C5orf46: variants seen among roughly 807,000 people sequenced by gnomAD.
C5orf46 encodes the protein uncharacterized protein C5orf46.
C5orf46 carries 9 observed loss-of-function variants against 8.9 expected under a neutral mutation model. That is an observed-to-expected ratio of 1.01 (90% CI 0.61 to 1.76). C5orf46 has a LOEUF of 1.76. Among genes scored for constraint, C5orf46 ranks in the 40% most tolerant of loss-of-function variants. C5orf46 has a pLI of 0.00. For synonymous variants in C5orf46, 47 were observed against 41.4 expected, an observed-to-expected ratio of 1.14 and a Z score of -0.52; for missense variants, 98 against 107.8, an observed-to-expected ratio of 0.91 and a Z score of 0.40.
rs775980762 is a variant in C5orf46, at chr5:147,897,017, A to G, written c.240T>C (p.Asn80=). Residue 80 remains asparagine, a synonymous_variant, in exon 3 of 4, where the codon AAT becomes AAC. Coordinates refer to ENST00000318315, the MANE Select transcript of C5orf46 (RefSeq NM_206966.3). ...GTCACTTTGATGAATGTTTTCCTTC[A>G]TTATCATCAAATTCCATAAATCCTC... The part of the protein sequence containing the change: ...RSTGFMEFDD[N]EGKHSSK 13 of 1,511,204 alleles carry G rather than the reference A, an allele frequency of 8.6e-6. No individual in the cohort carries two copies. The South Asian group carries it at 1.3e-4, about 15-fold the overall frequency. 93.6% of individuals were successfully genotyped at this position (1,511,204 alleles called of 1,614,324 possible).
chr5:147,897,754 CAG>C (rs1757606217), intron 2 of C5orf46, among the ~76,000 whole-genome samples: 2 of 152,126 alleles, frequency 1.3e-5, no homozygotes, highest in South Asian at 2.1e-4. Flanking sequence ...GACTTTTTTA[CAG>C]AGTTTGTTTT....
At chr5:147,887,769 G>C (rs1236608500), downstream of C5orf46, 1 of 152,152 alleles carries the variant, frequency 6.6e-6, no homozygotes, top group African/African-American at 2.4e-5. Context: ...GTTTATTTTA[G>C]GTCATTTCTA....
At chr5:147,896,897 C>A in intron 3 of C5orf46, 87 bp downstream of exon 3, 2 of 561,484 alleles carry the variant, frequency 3.6e-6, no homozygotes, top group Non-Finnish European at 6.0e-6. Flanking sequence ...CATGGGTAAC[C>A]AAAATTATTA....
chr5:147,900,236 C>T (rs912962944), intron 2 of C5orf46, among the ~76,000 whole-genome samples: 1 of 151,968 alleles, frequency 6.6e-6, no homozygotes, highest in African/African-American at 2.4e-5. Context: ...AAAGCAACCA[C>T]AGTAGGAAAT....
chr5:147,893,337 G>T (rs1490879671), intron 3 of C5orf46, among the ~76,000 whole-genome samples: 1 of 147,594 alleles, frequency 6.8e-6, no homozygotes, highest in Non-Finnish European at 1.5e-5. Context: ...AGGCTGGAGT[G>T]CAGTGGCTGT....
chr5:147,904,436 A>T (rs904974843), intron 1 of C5orf46, among the ~76,000 whole-genome samples: 1 of 152,186 alleles, frequency 6.6e-6, no homozygotes, highest in Non-Finnish European at 1.5e-5. Flanking sequence ...ACCTCCAAAC[A>T]ATTGTTCTGT....
intron 1 of C5orf46, among the ~76,000 whole-genome samples, chr5:147,905,055 A>C (rs2127133113): frequency 6.6e-6 from 1 of 151,984 alleles, no homozygotes; most frequent in South Asian, 2.1e-4. Flanking sequence ...TTTAGAAGAT[A>C]ATATAAATTT....
chr5:147,903,630 A>G (rs1037474547), intron 1 of C5orf46, among the ~76,000 whole-genome samples: 1 of 152,226 alleles, frequency 6.6e-6, no homozygotes, highest in Non-Finnish European at 1.5e-5. Flanking sequence ...TGACACAACT[A>G]AAGATTTGAT....
intron 2 of C5orf46, among the ~76,000 whole-genome samples, chr5:147,897,363 A>G (rs1170819493): frequency 6.6e-6 from 1 of 152,234 alleles, no homozygotes; most frequent in Non-Finnish European, 1.5e-5. Context: ...AGTAGAAATT[A>G]ATAAATATTT....
In C5orf46 at chr5:147,896,422, C is replaced by T. The variant is rs148203616; in HGVS notation, c.*9+562G>A. Reference sequence around the variant, plus strand: ...AAACAGAGTAAGAACACAGTTCATACCAGCTACTAATATTACTACTTTTCC... The same window carrying T: ...AAACAGAGTAAGAACACAGTTCATATCAGCTACTAATATTACTACTTTTCC... On this transcript the variant is annotated intron_variant, in intron 3 of 3. Coordinates refer to ENST00000318315, the MANE Select transcript of C5orf46 (RefSeq NM_206966.3). Among the ~76,000 whole-genome samples, 1,010 of 152,252 alleles carry T rather than the reference C, an allele frequency of 6.6e-3. 12 individuals carry two copies. Among genetic ancestry groups the T allele is most frequent in the African/African-American group, 0.022 (903 of 41,524 alleles).
At chr5:147,903,180 C>A (rs898611968) in intron 1 of C5orf46, among the ~76,000 whole-genome samples, 1 of 152,166 alleles carries the variant, frequency 6.6e-6, no homozygotes, top group Non-Finnish European at 1.5e-5. Flanking sequence ...GAGCCCTGGT[C>A]ACAGGATAAA....
At chr5:147,887,558 T>G (rs1757440928) in intron 2 of C5orf46, 1 of 152,178 alleles carries the variant, frequency 6.6e-6, no homozygotes, top group Admixed American at 6.6e-5. Context: ...TTATTGAATA[T>G]TAGTTGCAGG....
At chr5:147,890,032 T>A (rs1757479285), downstream of C5orf46, among the ~76,000 whole-genome samples, 1 of 152,204 alleles carries the variant, frequency 6.6e-6, no homozygotes, top group African/African-American at 2.4e-5. Flanking sequence ...TGTCTTCAAA[T>A]CCTTTATCAT....
intron 2 of C5orf46, among the ~76,000 whole-genome samples, chr5:147,900,487 T>C (rs1247602745): frequency 6.6e-6 from 1 of 152,090 alleles, no homozygotes; most frequent in African/African-American, 2.4e-5. Context: ...AATAAATAAA[T>C]CACACTGACA....
At chr5:147,890,681 G>A (rs189130809), downstream of C5orf46, among the ~76,000 whole-genome samples, 33 of 152,104 alleles carry the variant, frequency 2.2e-4, no homozygotes, top group African/African-American at 7.2e-4. Flanking sequence ...TCGCGAAAGA[G>A]TAATTTAGGC....
downstream of C5orf46, among the ~76,000 whole-genome samples, chr5:147,888,480 T>C (rs923966808): frequency 6.6e-6 from 1 of 152,220 alleles, no homozygotes; most frequent in Non-Finnish European, 1.5e-5. Flanking sequence ...CCTTGACGTT[T>C]CTTCATGGCT....
intron 2 of C5orf46, among the ~76,000 whole-genome samples, chr5:147,899,649 A>G (rs536314155): frequency 6.6e-6 from 1 of 152,320 alleles, no homozygotes; most frequent in South Asian, 2.1e-4. Context: ...TAAATAAGTC[A>G]TTTCGGATGG....
chr5:147,898,056 T>TG (rs1757610914), intron 2 of C5orf46, among the ~76,000 whole-genome samples: 1 of 152,174 alleles, frequency 6.6e-6, no homozygotes, highest in Admixed American at 6.6e-5. Flanking sequence ...CTTTCAAGCA[T>TG]GGCAGTGATA....
downstream of C5orf46, among the ~76,000 whole-genome samples, chr5:147,891,974 A>C (rs1040725575): frequency 6.6e-6 from 1 of 152,232 alleles, no homozygotes; most frequent in Non-Finnish European, 1.5e-5. Context: ...TTTATTAAAC[A>C]TACATTTGAG....
Sources: gnomAD v4.1 joint callset for allele counts (sites outside exome capture counted in the v4.1 genomes callset) on GRCh38, gnomAD v4.1.1 for gene constraint, MANE v1.5 for transcripts, NCBI Gene and HGNC (gene_info 2026-07-23, HGNC 2026-07-21) for gene names.